The following CSMD1 variants were observed in gnomAD, a reference collection of about 807,000 sequenced individuals.
CSMD1 encodes CUB and Sushi multiple domains 1.
CSMD1 carries 213 observed loss-of-function variants against 417.5 expected under a neutral mutation model. The observed-to-expected ratio is 0.51, with a 90% CI of 0.46 to 0.57. The LOEUF (loss-of-function observed/expected upper bound fraction) is 0.57, where lower values mean the gene tolerates loss of function less well. Among genes scored for constraint, CSMD1 ranks in the 20% least tolerant of loss-of-function variants. The pLI, the probability that CSMD1 is intolerant of heterozygous loss-of-function variation, is 0.00. For synonymous variants in CSMD1, 2,862 were observed against 1,736.8 expected, an observed-to-expected ratio of 1.65 and a Z score of -16.11; for missense variants, 6,923 against 4,529.7, an observed-to-expected ratio of 1.53 and a Z score of -15.17.
intron 21 of CSMD1, among the ~76,000 whole-genome samples, chr8:3,357,015 A>AG (rs1808840343): frequency 6.7e-6 from 1 of 150,052 alleles, no homozygotes; most frequent in Non-Finnish European, 1.5e-5. Flanking sequence ...GGAAAGCATC[A>AG]GGGGGACTGC....
chr8:4,585,861 G>T (rs1799674168), intron 2 of CSMD1, among the ~76,000 whole-genome samples: 1 of 152,144 alleles, frequency 6.6e-6, no homozygotes, highest in Non-Finnish European at 1.5e-5. Context: ...TTAGATGAAA[G>T]CATGCAGGTA....
chr8:3,772,310 G>GACATACATATGTACATATATTTAT (rs1798624635), intron 5 of CSMD1, among the ~76,000 whole-genome samples: 3 of 45,336 alleles, frequency 6.6e-5, no homozygotes, highest in East Asian at 4.5e-4. Context: ...CATATATTTA[G>GACATACATATGTACATATATTTAT]ACATACATAT....
At chr8:4,184,941 C>A (rs896260579) in intron 3 of CSMD1, among the ~76,000 whole-genome samples, 2 of 151,218 alleles carry the variant, frequency 1.3e-5, no homozygotes, top group African/African-American at 2.5e-5. Context: ...AGTTCAAGAC[C>A]AGCCTCCCCA....
chr8:4,657,203 A>G (rs1431468299), intron 1 of CSMD1, among the ~76,000 whole-genome samples: 1 of 152,050 alleles, frequency 6.6e-6, no homozygotes, highest in Non-Finnish European at 1.5e-5. Context: ...AGACCTCACA[A>G]TTTTCCCAAA....
chr8:3,635,654 T>G (rs1797001699), intron 7 of CSMD1, among the ~76,000 whole-genome samples: 1 of 151,532 alleles, frequency 6.6e-6, no homozygotes, highest in Non-Finnish European at 1.5e-5. Flanking sequence ...TGGCTATTTT[T>G]TGTATTTTTT....
intron 6 of CSMD1, among the ~76,000 whole-genome samples, chr8:3,723,105 C>G (rs1802281286): frequency 6.6e-6 from 1 of 152,156 alleles, no homozygotes; most frequent in Non-Finnish European, 1.5e-5. Context: ...GACATTCAGT[C>G]AGGTTATTGG....
chr8:3,090,979 T>A (rs1031213349), intron 48 of CSMD1, among the ~76,000 whole-genome samples: 1 of 152,110 alleles, frequency 6.6e-6, no homozygotes, highest in East Asian at 1.9e-4. Flanking sequence ...TTACAGTATA[T>A]AAAGGGCAAA....
intron 10 of CSMD1, among the ~76,000 whole-genome samples, chr8:3,562,163 T>A (rs533876469): frequency 2.2e-4 from 34 of 151,778 alleles, no homozygotes; most frequent in Middle Eastern, 3.4e-3. Context: ...CTGTAAATAA[T>A]ACAGTAGTAG....
At chr8:4,036,656 G>C (rs527359448) in intron 3 of CSMD1, among the ~76,000 whole-genome samples, 9 of 152,312 alleles carry the variant, frequency 5.9e-5, no homozygotes, top group African/African-American at 1.9e-4. Flanking sequence ...CATCAATGGA[G>C]AGCATGCCTG....
chr8:3,590,484 G>C (rs1800799456), intron 8 of CSMD1, among the ~76,000 whole-genome samples: 2 of 152,090 alleles, frequency 1.3e-5, no homozygotes, highest in African/African-American at 2.4e-5. Flanking sequence ...GCGGAGGATT[G>C]CTCCTGAGCT....
intron 8 of CSMD1, among the ~76,000 whole-genome samples, chr8:3,608,471 T>TA (rs1279808660): frequency 6.6e-6 from 1 of 151,782 alleles, no homozygotes; most frequent in East Asian, 1.9e-4. Flanking sequence ...AATTATATAT[T>TA]AAAAAAATAT....
chr8:3,827,871 T>A (rs555968532), intron 5 of CSMD1, among the ~76,000 whole-genome samples: 1 of 152,214 alleles, frequency 6.6e-6, no homozygotes, highest in Non-Finnish European at 1.5e-5. Flanking sequence ...GCACTTCTGA[T>A]GAAGTTTCAT....
chr8:4,153,340 C>T (rs1256535173), intron 3 of CSMD1, among the ~76,000 whole-genome samples: 1 of 152,186 alleles, frequency 6.6e-6, no homozygotes, highest in Non-Finnish European at 1.5e-5. Flanking sequence ...GTTTTGTGAA[C>T]TTGACTGTGT....
intron 37 of CSMD1, among the ~76,000 whole-genome samples, chr8:3,167,536 A>G (rs1027276098): frequency 6.6e-6 from 1 of 152,256 alleles, no homozygotes; most frequent in Non-Finnish European, 1.5e-5. Flanking sequence ...GTAGTGTTTT[A>G]TACAATATTA....
rs551578460 is a variant in CSMD1 at position 3,124,994 on chromosome 8, G to T, written c.6242-6407C>A. On this transcript the variant is annotated intron_variant, in intron 41 of 69. Transcript: ENST00000635120. ...TTTGTTCCAAATGTCTTGTTAAACT[G>T]AGTACTTAACTACTTAAATATTAAT... Among the ~76,000 whole-genome samples the T allele has an allele frequency of 7.2e-5, 11 of 152,264 alleles. No individual in the cohort carries two copies. In the East Asian group the frequency reaches 1.4e-3, roughly 19 times the overall value.
Position 4,574,143 on chromosome 8 carries a change from G to A in CSMD1, c.302+63199C>T, listed in dbSNP as rs908953236. 3.0e-4 allele frequency among the ~76,000 whole-genome samples: 45 copies of A among 149,666 alleles called. No individual in the cohort carries two copies. The East Asian group carries it at 4.0e-3, about 13-fold the overall frequency. On this transcript the variant is annotated intron_variant, in intron 2 of 69. Transcript: ENST00000635120. ...CCAGGGGAGTGAACAGTTCTGTCTC[G>A]TTGGGGTTCCAGGAGACGCTGGGGT...
intron 37 of CSMD1, among the ~76,000 whole-genome samples, chr8:3,173,366 T>C (rs1820702095): frequency 6.6e-6 from 1 of 152,304 alleles, no homozygotes; most frequent in African/African-American, 2.4e-5. Flanking sequence ...TTTAGATATT[T>C]CCATGGTCCT....
intron 7 of CSMD1, among the ~76,000 whole-genome samples, chr8:3,681,894 A>G (rs1308361665): frequency 6.6e-6 from 1 of 152,190 alleles, no homozygotes; most frequent in Non-Finnish European, 1.5e-5. Context: ...CCACACATCT[A>G]CGACTATCTG....
intron 2 of CSMD1, among the ~76,000 whole-genome samples, chr8:4,426,449 ATAG>A (rs1477485240): frequency 6.7e-6 from 1 of 148,440 alleles, no homozygotes; most frequent in African/African-American, 2.4e-5. Context: ...TAGAGCATAT[ATAG>A]TAAACATACA....
Sources: gnomAD v4.1 joint callset for allele counts (sites outside exome capture counted in the v4.1 genomes callset) on GRCh38, gnomAD v4.1.1 for gene constraint, MANE v1.5 for transcripts, NCBI Gene and HGNC (gene_info 2026-07-23, HGNC 2026-07-21) for gene names.